The following VTI1A variants were observed in gnomAD, a reference collection of about 807,000 sequenced individuals.
VTI1A encodes vesicle transport through interaction with t-SNAREs 1A, also known as vesicle transport through interaction with t-SNAREs homolog 1A.
VTI1A carries 22 observed loss-of-function variants against 34.9 expected under a neutral mutation model. The ratio of observed to expected loss-of-function variants is 0.63; its 90% confidence interval spans 0.45 to 0.90. VTI1A has a LOEUF of 0.90. Among genes scored for constraint, VTI1A ranks in the 40% least tolerant of loss-of-function variants. The pLI is 0.00. For missense variants in VTI1A, 268 were observed against 275.6 expected, an observed-to-expected ratio of 0.97 and a Z score of 0.20; for synonymous variants, 87 against 97.3, an observed-to-expected ratio of 0.89 and a Z score of 0.62.
At chr10:112,606,956 C>G (rs1362205039) in intron 5 of VTI1A, among the ~76,000 whole-genome samples, 1 of 152,046 alleles carries the variant, frequency 6.6e-6, no homozygotes, top group African/African-American at 2.4e-5. Context: ...CGCAGCAACC[C>G]AAGAGGTAAG....
chr10:112,668,602 CTTCAT>C (rs1379193983), intron 6 of VTI1A, among the ~76,000 whole-genome samples: 1 of 152,068 alleles, frequency 6.6e-6, no homozygotes, highest in East Asian at 1.9e-4. Context: ...TCTTTCCTCA[CTTCAT>C]TTTATTTTTG....
At chr10:112,847,810 C>T in the VTI1A span, among the ~76,000 whole-genome samples, 1 of 152,176 alleles carries the variant, frequency 6.6e-6, no homozygotes, top group East Asian at 1.9e-4. Context: ...TTTGTGTACC[C>T]TCATTTATTC....
chr10:112,786,708 C>A (rs1237420182), intron 7 of VTI1A, among the ~76,000 whole-genome samples: 1 of 151,946 alleles, frequency 6.6e-6, no homozygotes, highest in Non-Finnish European at 1.5e-5. Context: ...GATTTTTGTT[C>A]TTGATTCTAT....
chr10:112,546,033 T>TGTGTGTGTATATACGTGTATACGCGC (rs1851090866), intron 5 of VTI1A, among the ~76,000 whole-genome samples: 1 of 146,240 alleles, frequency 6.8e-6, no homozygotes, highest in African/African-American at 2.6e-5. Context: ...TGTATACGCG[T>TGTGTGTGTATATACGTGTATACGCGC]ATGTGTGTGT....
At chr10:112,629,162 A>ACTT (rs1184443758) in intron 5 of VTI1A, among the ~76,000 whole-genome samples, 18 of 152,244 alleles carry the variant, frequency 1.2e-4, no homozygotes, top group African/African-American at 4.1e-4. Context: ...CAGAGGCCTC[A>ACTT]GACACTTGTC....
At chr10:112,593,262 G>C (rs373622136) in intron 5 of VTI1A, among the ~76,000 whole-genome samples, 1 of 152,182 alleles carries the variant, frequency 6.6e-6, no homozygotes, top group Non-Finnish European at 1.5e-5. Flanking sequence ...TCCAATGGTC[G>C]GGTGTAGGCA....
rs1395931830 is a variant in VTI1A, at chr10:112,661,234, C to T, written c.428-6984C>T. Among the ~76,000 whole-genome samples the T allele has an allele frequency of 1.3e-5, 2 of 152,182 alleles. 1 individual carries two copies. Among genetic ancestry groups the T allele is most frequent in the Non-Finnish European group, 2.9e-5 (2 of 68,030 alleles). On this transcript the variant is annotated intron_variant, in intron 5 of 7. Transcript: ENST00000393077. ...CTGACCTCAAGTGATCCGCCCTCCT[C>T]GGCCTCCTAAAGTGCTGAGATTATA...
intron 5 of VTI1A, among the ~76,000 whole-genome samples, chr10:112,623,978 T>C (rs1366280346): frequency 6.6e-6 from 1 of 152,216 alleles, no homozygotes; most frequent in Non-Finnish European, 1.5e-5. Context: ...TGCAAGGGCC[T>C]TCAGCCTCGG....
chr10:112,720,257 C>T (rs1380099477), intron 7 of VTI1A, among the ~76,000 whole-genome samples: 1 of 152,230 alleles, frequency 6.6e-6, no homozygotes, highest in Non-Finnish European at 1.5e-5. Context: ...CATGTGGTAA[C>T]TTTGCATAGC....
chr10:112,480,387 A>G (rs555828104), intron 3 of VTI1A, among the ~76,000 whole-genome samples: 15 of 152,336 alleles, frequency 9.8e-5, no homozygotes, highest in Admixed American at 5.9e-4. Flanking sequence ...GCAAGTGGCC[A>G]AAAGATGAAT....
chr10:112,815,566 G>T lies in VTI1A; in HGVS notation c.*183G>T. The T allele has an allele frequency of 1.7e-6, 1 of 586,630 alleles. No homozygotes were observed. The highest frequency in any genetic ancestry group is 2.9e-5 in the East Asian group (1 of 34,842). The allele number at this position is 586,630 out of a possible 1,614,324, so 36.3% of individuals were successfully genotyped here. A position where few individuals can be genotyped will look rare whatever the true frequency, so the allele number is the denominator to read the frequency against. On this transcript the variant is annotated 3_prime_UTR_variant, in exon 8 of 8. Coordinates refer to ENST00000393077, the MANE Select transcript of VTI1A (RefSeq NM_145206.4). ...TTCTATTCCTGTTTGCATGTGGGTTGGTTTCCTTTTCGAGGTTTGTCTTCA... is the reference window on the plus strand; with the variant it reads ...TTCTATTCCTGTTTGCATGTGGGTTTGTTTCCTTTTCGAGGTTTGTCTTCA...
Position 112,668,286 on chromosome 10 carries a change from AGAGT to A in VTI1A, c.497_498+2del, listed in dbSNP as rs1164345734. On this transcript the variant is annotated splice_donor_variant and coding_sequence_variant, in exon 6 of 8. Transcript: ENST00000393077. LOFTEE classifies it high-confidence loss of function. ...AGAAAAGATACAGCGAGCACGTGAAAGAGTAAGTACAATTGATACAGTTTTTTCA... is the reference window on the plus strand; with the variant it reads ...AGAAAAGATACAGCGAGCACGTGAAAAAGTACAATTGATACAGTTTTTTCA... The A allele has an allele frequency of 6.2e-7, 1 of 1,612,090 alleles. No homozygotes were observed. Among genetic ancestry groups the A allele is most frequent in the Non-Finnish European group, 8.5e-7 (1 of 1,178,790 alleles).
chr10:112,597,157 A>G (rs1253111880), intron 5 of VTI1A, among the ~76,000 whole-genome samples: 5 of 152,096 alleles, frequency 3.3e-5, no homozygotes, highest in African/African-American at 9.7e-5. Flanking sequence ...GAGTCCTGAC[A>G]TTTCCACTTA....
intron 5 of VTI1A, among the ~76,000 whole-genome samples, chr10:112,546,092 G>A (rs949795010): frequency 9.3e-5 from 14 of 150,760 alleles, no homozygotes; most frequent in African/African-American, 3.2e-4. Context: ...ATACGCGTAT[G>A]TGTGTATATA....
intron 5 of VTI1A, among the ~76,000 whole-genome samples, chr10:112,626,621 G>A (rs942923757): frequency 6.6e-6 from 1 of 151,966 alleles, no homozygotes; most frequent in African/African-American, 2.4e-5. Context: ...CAGACCAGAA[G>A]TGATCTTAAA....
intron 5 of VTI1A, among the ~76,000 whole-genome samples, chr10:112,645,927 A>C (rs371457439): frequency 6.7e-4 from 96 of 144,052 alleles, no homozygotes; most frequent in African/African-American, 2.4e-3. Context: ...AAAAGAAAGA[A>C]CACCAATATA....
At chr10:112,839,359 G>A in the VTI1A span, among the ~76,000 whole-genome samples, 1 of 152,204 alleles carries the variant, frequency 6.6e-6, no homozygotes, top group African/African-American at 2.4e-5. Flanking sequence ...CTGAGCTGGA[G>A]GAGGTGACGC....
chr10:112,545,950 G>A (rs1342507231), intron 5 of VTI1A, among the ~76,000 whole-genome samples: 1 of 148,930 alleles, frequency 6.7e-6, no homozygotes. Flanking sequence ...GCATGTATAT[G>A]TGTGTGTGTA....
chr10:112,646,757 C>T (rs546620132), intron 5 of VTI1A, among the ~76,000 whole-genome samples: 6 of 152,070 alleles, frequency 3.9e-5, no homozygotes, highest in South Asian at 4.2e-4. Context: ...GTGATCCACC[C>T]GCCTCAGCCT....
Sources: allele counts gnomAD v4.1 joint callset (sites outside exome capture counted in the v4.1 genomes callset), GRCh38; gene constraint gnomAD v4.1.1; transcripts MANE v1.5; gene names NCBI Gene and HGNC (gene_info 2026-07-23, HGNC 2026-07-21).